Variants in CAPS2 observed in about 807,000 individuals in gnomAD.
The protein encoded by CAPS2 is calcyphosine 2, also known as calcyphosin-2.
Under a neutral mutation model 86.5 loss-of-function variants are expected in CAPS2, and 98 were observed. The observed-to-expected ratio is 1.13, with a 90% confidence interval of 0.96 to 1.34. The LOEUF (loss-of-function observed/expected upper bound fraction) is 1.34. Among genes scored for constraint, CAPS2 ranks in the 40% most tolerant of loss-of-function variants. CAPS2 has a pLI of 0.00. For missense variants in CAPS2, 729 were observed against 686.8 expected (o/e 1.06, Z -0.69); for synonymous variants, 210 against 225.1 (o/e 0.93, Z 0.60).
chr12:75,333,447 T>C (rs976626045), upstream of CAPS2, among the ~76,000 whole-genome samples: 33 of 151,130 alleles, frequency 2.2e-4, no homozygotes, highest in East Asian at 1.2e-3. Context: ...CACACACATA[T>C]ACACACACAC....
chr12:75,340,804 A>G (rs1377467521), intron 1 of CAPS2, among the ~76,000 whole-genome samples: 7 of 152,060 alleles, frequency 4.6e-5, no homozygotes, highest in Non-Finnish European at 8.8e-5. Context: ...AGATATACAG[A>G]TGGAAAATAA....
intron 1 of CAPS2, among the ~76,000 whole-genome samples, chr12:75,336,799 T>G (rs969441035): frequency 5.3e-5 from 8 of 151,910 alleles, no homozygotes; most frequent in South Asian, 4.1e-4. Flanking sequence ...ATTAAACAAT[T>G]TATACCACAC....
At chr12:75,384,005 G>C (rs1286901754) in intron 1 of CAPS2, among the ~76,000 whole-genome samples, 2 of 152,054 alleles carry the variant, frequency 1.3e-5, no homozygotes, top group Admixed American at 6.6e-5. Flanking sequence ...CAAAATTTGT[G>C]GGATGCAGCA....
intron 1 of CAPS2, among the ~76,000 whole-genome samples, chr12:75,375,200 C>T (rs549494663): frequency 7.2e-5 from 11 of 152,236 alleles, no homozygotes; most frequent in Admixed American, 2.0e-4. Context: ...ATGCCTATTA[C>T]GCATTCTGGC....
chr12:75,337,113 G>C (rs2041786991), intron 1 of CAPS2, among the ~76,000 whole-genome samples: 1 of 151,718 alleles, frequency 6.6e-6, no homozygotes, highest in Admixed American at 6.6e-5. Context: ...AGAAGTGTTT[G>C]GAAGCATACG....
At chr12:75,305,292 G>T (rs11831200) in intron 7 of CAPS2, among the ~76,000 whole-genome samples, 55,444 of 151,994 alleles carry the variant, frequency 0.36, 10,531 homozygotes, top group East Asian at 0.5. Context: ...CTAGAAGACA[G>T]AGAGAAGAGT....
At chr12:75,366,707 C>T in intron 1 of CAPS2, 1 of 547,948 alleles carries the variant, frequency 1.8e-6, no homozygotes, top group Non-Finnish European at 3.2e-6. Context: ...TGTTGCAGAT[C>T]AATGTGTGCT....
At chr12:75,276,493 T>C (rs1050620422), downstream of CAPS2, 23 of 974,664 alleles carry the variant, frequency 2.4e-5, no homozygotes, top group Non-Finnish European at 2.8e-5. Context: ...GCAGAGTCGC[T>C]GGTTCATTAG....
At chr12:75,369,081 C>T (rs988272087) in intron 1 of CAPS2, among the ~76,000 whole-genome samples, 11 of 151,744 alleles carry the variant, frequency 7.2e-5, no homozygotes, top group South Asian at 2.1e-4. Context: ...TTGAGAGATA[C>T]GCAATATAGC....
chr12:75,290,404 C>G (rs1023392957), intron 13 of CAPS2, among the ~76,000 whole-genome samples: 5 of 152,160 alleles, frequency 3.3e-5, no homozygotes, highest in African/African-American at 9.6e-5. Context: ...AGATTGGTAA[C>G]TTTACTAAAG....
chr12:75,326,149 AT>A (rs2139081596), intron 1 of CAPS2, among the ~76,000 whole-genome samples: 1 of 152,176 alleles, frequency 6.6e-6, no homozygotes, highest in African/African-American at 2.4e-5. Context: ...CCATTCTACT[AT>A]TTTTCTTTTT....
exon 17 of CAPS2, chr12:75,278,241 A>G: frequency 1.0e-6 from 1 of 982,980 alleles, no homozygotes; most frequent in Non-Finnish European, 1.2e-6. Context: ...AACCAACAAC[A>G]GTACATAATT....
chr12:75,314,966 G>A (rs572034852), intron 6 of CAPS2, among the ~76,000 whole-genome samples: 24 of 152,130 alleles, frequency 1.6e-4, no homozygotes, highest in Non-Finnish European at 2.5e-4. Context: ...CACAAAATCC[G>A]TAGTTTCACT....
At chr12:75,332,223 C>T (rs1377005710), upstream of CAPS2, among the ~76,000 whole-genome samples, 1 of 152,162 alleles carries the variant, frequency 6.6e-6, no homozygotes, top group African/African-American at 2.4e-5. Flanking sequence ...TTTCTCTATA[C>T]ACTAAATGAA....
At chr12:75,314,905 T>C (rs1391915290) in intron 6 of CAPS2, among the ~76,000 whole-genome samples, 1 of 152,120 alleles carries the variant, frequency 6.6e-6, no homozygotes, top group Non-Finnish European at 1.5e-5. Context: ...GTGACACTGA[T>C]GGAAGGATCT....
intron 1 of CAPS2, among the ~76,000 whole-genome samples, chr12:75,380,078 C>T (rs1421338925): frequency 6.6e-6 from 1 of 151,724 alleles, no homozygotes; most frequent in Non-Finnish European, 1.5e-5. Context: ...AAATACATAA[C>T]AATTGAACCT....
chr12:75,278,926 G>C, exon 17 of CAPS2: 2 of 1,599,238 alleles, frequency 1.3e-6, no homozygotes, highest in South Asian at 2.3e-5. Context: ...TGTTAACAAA[G>C]TCTTCATCAT....
At position 75,311,699 on chromosome 12, in the gene CAPS2, G is replaced by GAAAAAAAAAAAA. The variant is rs764314438; in HGVS notation, c.659+1148_659+1149insTTTTTTTTTTTT. 4.1e-4 allele frequency among the ~76,000 whole-genome samples: 7 copies of GAAAAAAAAAAAA among 17,020 alleles called. 2 individuals are homozygous for GAAAAAAAAAAAA. The highest frequency in any genetic ancestry group is 3.7e-4 in the African/African-American group (3 of 8,092). 11.2% of individuals were successfully genotyped at this position (17,020 alleles called of 152,430 possible). On this transcript the variant is annotated intron_variant, in intron 7 of 16. Transcript: ENST00000393284. ...CGTGTCACGTGCAGGAAGCCATGCA[G>GAAAAAAAAAAAA]GAAAAAAAAAAACAAAAAAAAAAAC...
intron 14 of CAPS2, among the ~76,000 whole-genome samples, chr12:75,285,555 T>A (rs1224855811): frequency 6.6e-6 from 1 of 151,964 alleles, no homozygotes; most frequent in Admixed American, 6.6e-5. Context: ...CAGAACTTAA[T>A]CCACTGTGTA....
Sources: gnomAD v4.1 joint callset for allele counts (sites outside exome capture counted in the v4.1 genomes callset) on GRCh38, gnomAD v4.1.1 for gene constraint, MANE v1.5 for transcripts, NCBI Gene and HGNC (gene_info 2026-07-23, HGNC 2026-07-21) for gene names.